Variants in FBN2 observed in about 807,000 individuals in gnomAD.
FBN2 encodes the protein fibrillin 2.
FBN2 carries 105 observed loss-of-function variants against 355.6 expected under a neutral mutation model. That is an observed-to-expected ratio of 0.30 (90% CI 0.25 to 0.35). FBN2 has a LOEUF of 0.35. Among genes scored for constraint, FBN2 ranks in the 10% least tolerant of loss-of-function variants. The pLI, the probability that FBN2 is intolerant of heterozygous loss-of-function variation, is 1.00. For synonymous variants in FBN2, 1,350 were observed against 1,301.2 expected (o/e 1.04, Z -0.81); for missense variants, 3,280 against 3,758.7 (o/e 0.87, Z 3.33).
intron 7 of FBN2, among the ~76,000 whole-genome samples, chr5:128,443,626 T>C (rs539535078): frequency 1.7e-3 from 256 of 152,304 alleles, no homozygotes; most frequent in African/African-American, 5.9e-3. Context: ...TCCTAATTAC[T>C]CAGACCCAAA....
intron 48 of FBN2, among the ~76,000 whole-genome samples, chr5:128,296,714 T>A (rs1749527260): frequency 6.6e-6 from 1 of 152,228 alleles, no homozygotes; most frequent in Non-Finnish European, 1.5e-5. Flanking sequence ...TGCATCTATT[T>A]GATTCTTCTC....
At chr5:128,344,260 A>C in intron 25 of FBN2, 125 bp downstream of exon 25, 1 of 1,016,880 alleles carries the variant, frequency 9.8e-7, no homozygotes, top group African/African-American at 1.6e-5. Context: ...CTAAAAAGAA[A>C]TTAATAAATA....
intron 6 of FBN2, among the ~76,000 whole-genome samples, chr5:128,459,898 C>T (rs973762321): frequency 2.0e-5 from 3 of 151,980 alleles, no homozygotes; most frequent in East Asian, 1.9e-4. Flanking sequence ...CTTTGAAAAC[C>T]GGCACAAGAC....
intron 12 of FBN2, 41 bp downstream of exon 12, chr5:128,378,730 T>G (rs1367692297): frequency 6.2e-7 from 1 of 1,610,848 alleles, no homozygotes; most frequent in East Asian, 2.2e-5. Context: ...GGTCACTATA[T>G]TTCATGGAAC....
chr5:128,294,554 AT>A (rs1471204299), intron 48 of FBN2, among the ~76,000 whole-genome samples: 1 of 149,472 alleles, frequency 6.7e-6, no homozygotes, highest in Non-Finnish European at 1.5e-5. Context: ...ATGGTATCTC[AT>A]TGTGGTTTTG....
intron 7 of FBN2, among the ~76,000 whole-genome samples, chr5:128,413,301 C>T (rs150888304): frequency 1.3e-5 from 2 of 152,134 alleles, no homozygotes; most frequent in African/African-American, 4.8e-5. Context: ...GAACTATCAA[C>T]ATCTAAGAAA....
At chr5:128,481,206 A>C (rs1755175890) in intron 5 of FBN2, among the ~76,000 whole-genome samples, 1 of 152,090 alleles carries the variant, frequency 6.6e-6, no homozygotes, top group Non-Finnish European at 1.5e-5. Flanking sequence ...TTTTTACCTC[A>C]CCAGGAAGTA....
In FBN2 at chr5:128,358,167, T is replaced by G. The variant is rs182623317; in HGVS notation, c.2555-772A>C. On this transcript the variant is annotated intron_variant, in intron 19 of 64. Transcript: ENST00000262464. ...TGGTGATTACAGAAAATGTCAAGCCTGTAATGTGAAATAGTTTAACACATG... is the reference window on the plus strand; with the variant it reads ...TGGTGATTACAGAAAATGTCAAGCCGGTAATGTGAAATAGTTTAACACATG... Among the ~76,000 whole-genome samples, 463 of 152,230 alleles carry G rather than the reference T, an allele frequency of 3.0e-3. 1 individual carries two copies. The highest frequency in any genetic ancestry group is 5.4e-3 in the Non-Finnish European group (366 of 67,974).
At chr5:128,339,816 G>A (rs1750951537) in intron 25 of FBN2, among the ~76,000 whole-genome samples, 2 of 152,130 alleles carry the variant, frequency 1.3e-5, no homozygotes, top group South Asian at 4.1e-4. Context: ...GCAAACCCCA[G>A]AGAGACAGGC....
At chr5:128,535,016 C>T (rs1756810036) in intron 2 of FBN2, among the ~76,000 whole-genome samples, 1 of 152,154 alleles carries the variant, frequency 6.6e-6, no homozygotes, top group Admixed American at 6.5e-5. Flanking sequence ...CATGGTAATG[C>T]CCTACTGGCC....
At chr5:128,415,854 C>A (rs186685) in intron 7 of FBN2, among the ~76,000 whole-genome samples, 46,108 of 152,032 alleles carry the variant, frequency 0.3, 9,053 homozygotes, top group Middle Eastern at 0.46. Context: ...CACATCCTTA[C>A]CAGCATCTGC....
At chr5:128,512,019 T>A (rs1442111821) in intron 5 of FBN2, among the ~76,000 whole-genome samples, 2 of 152,072 alleles carry the variant, frequency 1.3e-5, no homozygotes, top group East Asian at 1.9e-4. Flanking sequence ...TAAAAACATG[T>A]CAAAACAAGA....
intron 5 of FBN2, among the ~76,000 whole-genome samples, chr5:128,498,161 C>T (rs1755707543): frequency 6.6e-6 from 1 of 152,170 alleles, no homozygotes; most frequent in African/African-American, 2.4e-5. Context: ...CAAACCCAAA[C>T]CATTCTGAAG....
Position 128,305,549 on chromosome 5 carries a change from G to T in FBN2, c.5636C>A (p.Ala1879Asp). Residue 1879 changes from alanine (A) to aspartate (D), a missense_variant, in exon 44 of 65, where the codon GCC becomes GAC. Transcript: ENST00000262464. ...ATTGGGTGAAAGTTTGAAACCCGCG[G>T]CACATTCACAGCGGTAACTACCAGG... The part of the protein sequence containing the change: ...NSPGSYRCEC[A>D]AGFKLSPNGA... 1 of 1,614,044 alleles carries T rather than the reference G, an allele frequency of 6.2e-7. No homozygotes were observed. Among genetic ancestry groups the T allele is most frequent in the Non-Finnish European group, 8.5e-7 (1 of 1,179,970 alleles).
intron 5 of FBN2, among the ~76,000 whole-genome samples, chr5:128,489,635 CAATT>C (rs891297774): frequency 1.0e-3 from 156 of 152,164 alleles, no homozygotes; most frequent in Middle Eastern, 3.4e-3. Flanking sequence ...CATTAGGAAA[CAATT>C]AAAAGATACA....
chr5:128,438,627 C>G (rs1023392578), intron 7 of FBN2, among the ~76,000 whole-genome samples: 4 of 152,188 alleles, frequency 2.6e-5, no homozygotes, highest in Admixed American at 2.0e-4. Flanking sequence ...GATGTACCTA[C>G]TGTTCTGGGG....
Position 128,480,155 on chromosome 5 carries a change from T to C in FBN2, c.629-15234A>G, listed in dbSNP as rs1266578060. 2.9e-5 allele frequency among the ~76,000 whole-genome samples: 4 copies of C among 138,642 alleles called. No individual in the cohort carries two copies. In the East Asian group the frequency reaches 8.1e-4, roughly 28 times the overall value. 91.0% of individuals were successfully genotyped at this position (138,642 alleles called of 152,430 possible). ...TATACATATATATTATACATAGTAT[T>C]CACAGAGAGAATATATATATTATAT... On this transcript the variant is annotated intron_variant, in intron 5 of 64. Coordinates refer to ENST00000262464, the MANE Select transcript of FBN2 (RefSeq NM_001999.4).
At chr5:128,519,464 ATTATAGTACATTATGTTAAT>A (rs1415040109) in intron 4 of FBN2, 96 bp from the exon 5 acceptor site, 4 of 400,280 alleles carry the variant, frequency 1.0e-5, no homozygotes, top group Non-Finnish European at 1.7e-5. Flanking sequence ...CTTATGTTAA[ATTATAGTACATTATGTTAAT>A]TAAACTGCAA....
rs764306011 is a variant in FBN2 at position 128,350,973 on chromosome 5, G to C, written c.2707C>G (p.Gln903Glu). Residue 903 changes from glutamine to glutamate, a missense_variant, in exon 21 of 65, where the codon CAG (glutamine) becomes GAG (glutamate). Gln to Glu is a conservative substitution (Grantham distance 29). Coordinates refer to ENST00000262464, the MANE Select transcript of FBN2 (RefSeq NM_001999.4). ...SLKGTCWLNI[Q>E]DSRCEVNING... The stretch of plus-strand genomic sequence containing the variant: ...ATATTCACCTCACAGCGGCTGTCCT[G>C]GATGTTGAGCCAACAGGTCCCCTTC... The C allele has an allele frequency of 1.2e-6, 2 of 1,614,160 alleles. No individual in the cohort carries two copies. The highest frequency in any genetic ancestry group is 2.2e-5 in the East Asian group (1 of 44,862).
Sources: gnomAD v4.1 joint callset for allele counts (sites outside exome capture counted in the v4.1 genomes callset) on GRCh38, gnomAD v4.1.1 for gene constraint, MANE v1.5 for transcripts, NCBI Gene and HGNC (gene_info 2026-07-23, HGNC 2026-07-21) for gene names.